UMAD1: variants seen among roughly 807,000 people sequenced by gnomAD.
UMAD1 encodes UBAP1-MVB12-associated (UMA) domain containing 1.
In UMAD1, 8 loss-of-function variants were observed where a neutral mutation model predicts 6.1. That is an observed-to-expected ratio of 1.30 (90% confidence interval 0.76 to 2.35). UMAD1 has a LOEUF of 2.35. Among genes scored for constraint, UMAD1 ranks in the 30% most tolerant of loss-of-function variants. The pLI, the probability that UMAD1 is intolerant of heterozygous loss-of-function variation, is 0.00. For missense variants in UMAD1, 130 were observed against 78.4 expected, an observed-to-expected ratio of 1.66 and a Z score of -2.49; for synonymous variants, 56 against 31.4, an observed-to-expected ratio of 1.78 and a Z score of -2.61.
rs533784871 is a variant in UMAD1 at position 7,703,059 on chromosome 7, C to G, written c.82+29606C>G. On this transcript the variant is annotated intron_variant, in intron 2 of 3. Transcript: ENST00000682710. ...AGCTAGTCTTCTAGTTAGTACTACA[C>G]TGAGTTTACTGCCTGCTTTTTAGAA... is the stretch of plus-strand genomic sequence containing the variant. Among the ~76,000 whole-genome samples the G allele has an allele frequency of 2.0e-5, 3 of 152,322 alleles. No individual in the cohort carries two copies. The South Asian group carries it at 6.2e-4, about 32-fold the overall frequency.
intron 2 of UMAD1, among the ~76,000 whole-genome samples, chr7:7,733,765 A>G (rs1447200184): frequency 6.6e-6 from 1 of 151,572 alleles, no homozygotes; most frequent in Non-Finnish European, 1.5e-5. Flanking sequence ...TGGGTCTAAA[A>G]TAGTCCATTT....
At chr7:7,838,319 A>T (rs1783609546) in intron 3 of UMAD1, among the ~76,000 whole-genome samples, 1 of 152,166 alleles carries the variant, frequency 6.6e-6, no homozygotes, top group Non-Finnish European at 1.5e-5. Flanking sequence ...AGAGAGTAAA[A>T]ATTAGTGAGG....
intron 2 of UMAD1, among the ~76,000 whole-genome samples, chr7:7,779,728 T>A (rs1013264419): frequency 6.6e-6 from 1 of 152,136 alleles, no homozygotes; most frequent in Non-Finnish European, 1.5e-5. Context: ...CACTGCAACC[T>A]CCACCTCCTG....
intron 2 of UMAD1, among the ~76,000 whole-genome samples, chr7:7,797,185 G>A (rs1782702866): frequency 6.6e-6 from 1 of 152,124 alleles, no homozygotes; most frequent in South Asian, 2.1e-4. Context: ...GGAAGCAAGA[G>A]AAATGCCAGA....
intron 3 of UMAD1, among the ~76,000 whole-genome samples, chr7:7,858,667 C>G (rs1420462907): frequency 1.3e-5 from 2 of 152,130 alleles, no homozygotes; most frequent in Non-Finnish European, 2.9e-5. Context: ...TTCCCTAGTT[C>G]GGCCATCAGA....
chr7:7,853,360 G>A (rs1322635209), intron 3 of UMAD1, among the ~76,000 whole-genome samples: 1 of 152,030 alleles, frequency 6.6e-6, no homozygotes, highest in African/African-American at 2.4e-5. Flanking sequence ...AAATCAGTTG[G>A]GATTCTGATA....
chr7:7,865,247 C>T (rs564984985), intron 3 of UMAD1, among the ~76,000 whole-genome samples: 2 of 152,290 alleles, frequency 1.3e-5, no homozygotes, highest in African/African-American at 4.8e-5. Flanking sequence ...CTGAAATGGG[C>T]GCAGCCTTGT....
intron 2 of UMAD1, among the ~76,000 whole-genome samples, chr7:7,731,707 T>C (rs1184313002): frequency 6.6e-6 from 1 of 152,184 alleles, no homozygotes; most frequent in Non-Finnish European, 1.5e-5. Flanking sequence ...AGAAATCTCT[T>C]CTATGGAGTG....
chr7:7,869,370 G>T (rs1784295657), intron 3 of UMAD1, among the ~76,000 whole-genome samples: 3 of 152,170 alleles, frequency 2.0e-5, no homozygotes, highest in African/African-American at 4.8e-5. Context: ...AGAATTTAAA[G>T]GCATAGACAG....
intron 1 of UMAD1, among the ~76,000 whole-genome samples, chr7:7,659,154 C>T (rs1171928491): frequency 6.6e-6 from 1 of 152,002 alleles, no homozygotes; most frequent in African/African-American, 2.4e-5. Context: ...GGTGATATCC[C>T]CTTTATCATT....
At chr7:7,839,221 T>A (rs922900201) in intron 3 of UMAD1, among the ~76,000 whole-genome samples, 1 of 152,104 alleles carries the variant, frequency 6.6e-6, no homozygotes, top group Non-Finnish European at 1.5e-5. Flanking sequence ...ACTTTTTTTG[T>A]TTTTTGAGAC....
At chr7:7,675,911 T>G (rs1166606694) in intron 2 of UMAD1, among the ~76,000 whole-genome samples, 1 of 152,206 alleles carries the variant, frequency 6.6e-6, no homozygotes, top group Non-Finnish European at 1.5e-5. Context: ...TGTCTCTGTT[T>G]AGCCTCATTT....
At chr7:7,780,071 A>G (rs1782312964) in intron 2 of UMAD1, among the ~76,000 whole-genome samples, 1 of 152,248 alleles carries the variant, frequency 6.6e-6, no homozygotes, top group African/African-American at 2.4e-5. Context: ...CTGGCCTGCC[A>G]AGGGGCATTA....
chr7:7,749,009 G>A (rs1483688450), intron 2 of UMAD1, among the ~76,000 whole-genome samples: 2 of 152,030 alleles, frequency 1.3e-5, no homozygotes, highest in Non-Finnish European at 2.9e-5. Context: ...TCTTCGCCCA[G>A]ATCAGTGTGA....
intron 3 of UMAD1, among the ~76,000 whole-genome samples, chr7:7,851,092 A>T (rs912189095): frequency 6.6e-6 from 1 of 152,188 alleles, no homozygotes; most frequent in Non-Finnish European, 1.5e-5. Flanking sequence ...TTTCACAACT[A>T]ATCTATTCTG....
Position 7,676,905 on chromosome 7 carries a change from A to G in UMAD1, c.82+3452A>G, listed in dbSNP as rs1779755303. ...TATCAGGTAAACTCTTTTTTAAAAA[A>G]TTGATTTGCTCTGCTAGGTTTCTCT... On this transcript the variant is annotated intron_variant, in intron 2 of 3. Transcript: ENST00000682710. 2.6e-5 allele frequency among the ~76,000 whole-genome samples: 4 copies of G among 152,092 alleles called. 1 individual carries two copies. Among genetic ancestry groups the G allele is most frequent in the South Asian group, 4.1e-4 (2 of 4,832 alleles).
chr7:7,784,265 T>C (rs1318421196), intron 2 of UMAD1, among the ~76,000 whole-genome samples: 1 of 151,922 alleles, frequency 6.6e-6, no homozygotes, highest in Non-Finnish European at 1.5e-5. Context: ...TTATAAGGAG[T>C]TTGTCCCCTT....
Position 7,878,197 on chromosome 7 carries a change from T to A in UMAD1, c.*659T>A, listed in dbSNP as rs955935087. ...ATAATCGTTGTGTTCCCACCTTTGT[T>A]CTCTGCCTTTTTGCTACTTCAGTGT... On this transcript the variant is annotated 3_prime_UTR_variant, in exon 4 of 4. Transcript: ENST00000682710. 6.6e-6 allele frequency: 1 copy of A among 152,350 alleles called. No individual in the cohort carries two copies. Among genetic ancestry groups the A allele is most frequent in the Non-Finnish European group, 1.5e-5 (1 of 68,134 alleles). 9.4% of individuals were successfully genotyped at this position (152,350 alleles called of 1,614,324 possible).
chr7:7,796,966 C>T (rs1022013447), intron 2 of UMAD1, among the ~76,000 whole-genome samples: 1 of 152,112 alleles, frequency 6.6e-6, no homozygotes, highest in African/African-American at 2.4e-5. Flanking sequence ...TCTGCTGCAG[C>T]CCAGTGTCTC....
Sources: allele counts gnomAD v4.1 joint callset (sites outside exome capture counted in the v4.1 genomes callset), GRCh38; gene constraint gnomAD v4.1.1; transcripts MANE v1.5; gene names NCBI Gene and HGNC (gene_info 2026-07-23, HGNC 2026-07-21).